SCHIP1: variants seen among roughly 807,000 people sequenced by gnomAD.
SCHIP1 encodes the protein schwannomin-interacting protein 1.
In SCHIP1, 8 loss-of-function variants were observed where a neutral mutation model predicts 29.7. The ratio of observed to expected loss-of-function variants is 0.27; its 90% CI spans 0.16 to 0.49. The LOEUF is 0.49. Ranked by LOEUF, SCHIP1 falls within the 20% of genes least tolerant of loss-of-function variation. The probability of loss-of-function intolerance (pLI) is 0.99; values close to 1 mark genes in which losing one functional copy is unlikely to be tolerated. For synonymous variants in SCHIP1, 76 were observed against 94.9 expected, an observed-to-expected ratio of 0.80 and a Z score of 1.16; for missense variants, 193 against 294.6, an observed-to-expected ratio of 0.66 and a Z score of 2.52.
the SCHIP1 span, among the ~76,000 whole-genome samples, chr3:159,312,261 A>G: frequency 1.3e-5 from 2 of 152,182 alleles, no homozygotes; most frequent in African/African-American, 2.4e-5. Context: ...GCATAAGACC[A>G]TAAATGTTCA....
the SCHIP1 span, among the ~76,000 whole-genome samples, chr3:159,346,839 G>A: frequency 1.6e-4 from 24 of 152,098 alleles, no homozygotes; most frequent in Admixed American, 7.9e-4. Context: ...AAAGGAAATA[G>A]ACTAGTGTTT....
the SCHIP1 span, among the ~76,000 whole-genome samples, chr3:159,482,306 G>A: frequency 1.6e-4 from 25 of 152,040 alleles, no homozygotes; most frequent in Non-Finnish European, 3.5e-4. Context: ...TATTGCCCAT[G>A]GCTTCCCTTC....
At chr3:159,385,729 G>T in the SCHIP1 span, among the ~76,000 whole-genome samples, 2 of 152,090 alleles carry the variant, frequency 1.3e-5, no homozygotes, top group African/African-American at 4.8e-5. Flanking sequence ...TATACTTTAA[G>T]TTCTGGGATA....
the SCHIP1 span, among the ~76,000 whole-genome samples, chr3:159,812,347 AC>A: frequency 6.6e-6 from 1 of 152,196 alleles, no homozygotes; most frequent in Non-Finnish European, 1.5e-5. Flanking sequence ...ACTTTCTGAT[AC>A]ATAAGGCCAA....
At chr3:159,625,896 G>A in the SCHIP1 span, among the ~76,000 whole-genome samples, 4 of 152,050 alleles carry the variant, frequency 2.6e-5, no homozygotes, top group African/African-American at 9.7e-5. Context: ...AGAGGACAGA[G>A]AAGAACCCAG....
the SCHIP1 span, among the ~76,000 whole-genome samples, chr3:159,457,017 T>C: frequency 3.9e-5 from 6 of 152,190 alleles, no homozygotes; most frequent in Admixed American, 3.9e-4. Context: ...TTACTATAAT[T>C]ATAATTTGGA....
At chr3:159,353,154 C>T in the SCHIP1 span, among the ~76,000 whole-genome samples, 1 of 151,946 alleles carries the variant, frequency 6.6e-6, no homozygotes, top group Admixed American at 6.6e-5. Context: ...TTTGAGCAAG[C>T]ATGGTGGATC....
At chr3:159,476,181 C>T in the SCHIP1 span, among the ~76,000 whole-genome samples, 1 of 152,110 alleles carries the variant, frequency 6.6e-6, no homozygotes, top group Non-Finnish European at 1.5e-5. Flanking sequence ...ACTTTACAGG[C>T]ATCTTAATGA....
the SCHIP1 span, among the ~76,000 whole-genome samples, chr3:159,473,674 G>GAAAAAAAAAAAAAAA: frequency 4.4e-3 from 358 of 81,330 alleles, no homozygotes; most frequent in East Asian, 6.3e-3. Context: ...ATGTAACTAC[G>GAAAAAAAAAAAAAAA]AAAAAAAAAA....
the SCHIP1 span, among the ~76,000 whole-genome samples, chr3:159,510,083 T>C: frequency 2.0e-5 from 3 of 152,252 alleles, no homozygotes; most frequent in South Asian, 6.2e-4. Flanking sequence ...GGTTCCATTC[T>C]CGCCATCACT....
At chr3:159,634,477 C>T in the SCHIP1 span, among the ~76,000 whole-genome samples, 1 of 152,160 alleles carries the variant, frequency 6.6e-6, no homozygotes, top group Non-Finnish European at 1.5e-5. Flanking sequence ...CAGTTAGAGG[C>T]CCACCTCTCA....
chr3:159,583,243 C>T, the SCHIP1 span, among the ~76,000 whole-genome samples: 1 of 152,122 alleles, frequency 6.6e-6, no homozygotes, highest in Non-Finnish European at 1.5e-5. Context: ...GGCAACACAA[C>T]CATGAAACCC....
the SCHIP1 span, among the ~76,000 whole-genome samples, chr3:159,509,742 G>C: frequency 9.9e-5 from 15 of 152,278 alleles, no homozygotes; most frequent in Admixed American, 6.5e-4. Context: ...AGTTTGGCTG[G>C]ATATGAAATT....
At chr3:159,432,329 TGTGTGTGTGTGAGAGA>T in the SCHIP1 span, among the ~76,000 whole-genome samples, 157 of 99,952 alleles carry the variant, frequency 1.6e-3, no homozygotes, top group African/African-American at 3.3e-3. Flanking sequence ...TGTGTGTGTG[TGTGTGTGTGTGAGAGA>T]GAGAGAGAGA....
chr3:159,453,116 C>T, the SCHIP1 span, among the ~76,000 whole-genome samples: 1 of 152,206 alleles, frequency 6.6e-6, no homozygotes, highest in East Asian at 1.9e-4. Flanking sequence ...TTGCTACTCA[C>T]TCCAGTTAGG....
chr3:159,665,573 T>TGTGTGTG, the SCHIP1 span, among the ~76,000 whole-genome samples: 1 of 151,720 alleles, frequency 6.6e-6, no homozygotes, highest in Admixed American at 6.6e-5. Flanking sequence ...TGTGTGTGTG[T>TGTGTGTG]TTAAGGCCAT....
the SCHIP1 span, among the ~76,000 whole-genome samples, chr3:159,771,040 T>C: frequency 6.6e-6 from 1 of 152,256 alleles, no homozygotes; most frequent in African/African-American, 2.4e-5. Context: ...AAGCAAATTC[T>C]TCTGACGAAG....
At chr3:159,685,056 T>C in the SCHIP1 span, among the ~76,000 whole-genome samples, 1,047 of 152,294 alleles carry the variant, frequency 6.9e-3, 17 homozygotes, top group African/African-American at 0.024. Flanking sequence ...CTTGTCTCAG[T>C]TATTTATTTC....
chr3:159,584,495 TAAG>T, the SCHIP1 span, among the ~76,000 whole-genome samples: 2 of 152,156 alleles, frequency 1.3e-5, no homozygotes, highest in Non-Finnish European at 2.9e-5. Flanking sequence ...TCATTGTGGT[TAAG>T]AAGTTTAATC....
Sources: allele counts gnomAD v4.1 joint callset (sites outside exome capture counted in the v4.1 genomes callset), GRCh38; gene constraint gnomAD v4.1.1; transcripts MANE v1.5; gene names NCBI Gene and HGNC (gene_info 2026-07-23, HGNC 2026-07-21).